The following IL10 variants were observed in gnomAD, a reference collection of about 807,000 sequenced individuals.
IL10 encodes interleukin 10.
A neutral mutation model predicts 21.0 loss-of-function variants in IL10; 7 were observed. The ratio of observed to expected loss-of-function variants is 0.33; its 90% CI spans 0.19 to 0.63. The LOEUF (loss-of-function observed/expected upper bound fraction) is 0.63. IL10 is among the 20% of genes least tolerant of loss of function. The pLI, the probability that IL10 is intolerant of heterozygous loss-of-function variation, is 0.77. For synonymous variants in IL10, 83 were observed against 79.7 expected (o/e 1.04, Z -0.22); for missense variants, 161 against 213.0 (o/e 0.76, Z 1.52).
intron 1 of IL10, 78 bp from the exon 2 acceptor site, chr1:206,771,493 T>C: frequency 8.2e-7 from 1 of 1,213,984 alleles, no homozygotes; most frequent in East Asian, 2.5e-5. Context: ...TGCCCTTTCA[T>C]TTAGAGATTT....
Position 206,767,689 on chromosome 1 carries a change from T to TA in IL10, c.*946dup, listed in dbSNP as rs1277220876. On this transcript the variant is annotated 3_prime_UTR_variant, in exon 5 of 5. Coordinates refer to ENST00000423557, the MANE Select transcript of IL10 (RefSeq NM_000572.3). ...ATGTAACATTCCCAGAGGAATTGAATAAATTCTAGTTAAAACTGAGTTCTA... is the reference window on the plus strand; with the variant it reads ...ATGTAACATTCCCAGAGGAATTGAATAAAATTCTAGTTAAAACTGAGTTCTA... The TA allele has an allele frequency of 6.6e-6, 1 of 152,368 alleles. No individual in the cohort carries two copies. Among genetic ancestry groups the TA allele is most frequent in the Non-Finnish European group, 1.5e-5 (1 of 68,030 alleles). The allele number at this position is 152,368 out of a possible 1,614,324, so 9.4% of individuals were successfully genotyped here.
At position 206,768,321 on chromosome 1, in the gene IL10, C is replaced by T; in HGVS notation, c.*315G>A. 6.1e-6 allele frequency: 2 copies of T among 327,234 alleles called. No individual in the cohort carries two copies. The highest frequency in any genetic ancestry group is 8.9e-4 in the Middle Eastern group (1 of 1,120). 20.3% of individuals were successfully genotyped at this position (327,234 alleles called of 1,614,324 possible). A position where few individuals can be genotyped will look rare whatever the true frequency, so the allele number is the denominator to read the frequency against. On this transcript the variant is annotated 3_prime_UTR_variant, in exon 5 of 5. Coordinates refer to ENST00000423557, the MANE Select transcript of IL10 (RefSeq NM_000572.3). ...TCCCCAAAGAACATTTTTTTTCCTC[C>T]CTTATGTAACTTATAATTTATCTTA...
chr1:206,769,977 A>C, intron 3 of IL10, 83 bp from the exon 4 acceptor site: 1 of 1,087,080 alleles, frequency 9.2e-7, no homozygotes, highest in Non-Finnish European at 1.4e-6. Flanking sequence ...TGGTGGCATC[A>C]TGAGGAGGCC....
At chr1:206,771,439 T>A (rs1280123253) in intron 1 of IL10, 24 bp from the exon 2 acceptor site, 5 of 1,583,622 alleles carry the variant, frequency 3.2e-6, no homozygotes, top group Non-Finnish European at 4.3e-6. Flanking sequence ...AAAAGGAGAA[T>A]GAACTTGAGG....
rs376002450 is a variant in IL10, at chr1:206,770,975, C to T, written c.310G>A (p.Asp104Asn). 8 of 1,614,174 alleles carry T rather than the reference C, an allele frequency of 5.0e-6. No homozygotes were observed. The highest frequency in any genetic ancestry group is 6.8e-6 in the Non-Finnish European group (8 of 1,180,022). The change falls in exon 3 of 5, where the codon GAC (aspartate) becomes AAC (asparagine). Residue 104 changes from aspartate (D) to asparagine (N), a missense_variant. Asp to Asn is a conservative substitution (Grantham distance 23, BLOSUM62 1). Coordinates refer to ENST00000423557, the MANE Select transcript of IL10 (RefSeq NM_000572.3). ...VMPQAENQDPDIKAHVNSLGE... is the reference protein window; with the variant it reads ...VMPQAENQDPNIKAHVNSLGE... ...AGGGAGTTCACATGCGCCTTGATGT[C>T]TGGGTCTTGGTTCTCAGCTTGGGGC...
At chr1:206,771,519 A>G (rs1674841787) in intron 1 of IL10, 104 bp from the exon 2 acceptor site, 1 of 952,108 alleles carries the variant, frequency 1.1e-6, no homozygotes, top group Non-Finnish European at 1.7e-6. Context: ...TTTAAATAAA[A>G]TTGGCTCTGG....
At chr1:206,771,102 G>A (rs1257972727) in intron 2 of IL10, 43 bp from the exon 3 acceptor site, 2 of 1,609,126 alleles carry the variant, frequency 1.2e-6, no homozygotes, top group Non-Finnish European at 1.7e-6. Flanking sequence ...TGGCGGAGGT[G>A]GCTGGGAGGA....
Position 206,768,715 on chromosome 1 carries a change from C to G in IL10, c.458G>C (p.Gly153Ala). The G allele has an allele frequency of 6.2e-7, 1 of 1,604,036 alleles. No individual in the cohort carries two copies. The highest frequency in any genetic ancestry group is 1.3e-5 in the African/African-American group (1 of 74,810). ...AAACTCACTCATGGCTTTGTAGATG[C>G]CTTTCTCTTGGAGCTGTGCAGAGAG... is the stretch of plus-strand genomic sequence containing the variant. The part of the protein sequence containing the change: ...KNAFNKLQEK[G>A]IYKAMSEFDI... The change falls in exon 5 of 5, where the codon GGC (glycine) becomes GCC (alanine). Residue 153 changes from glycine to alanine, a missense_variant. Transcript: ENST00000423557.
intron 3 of IL10, 92 bp from the exon 4 acceptor site, chr1:206,769,986 C>A: frequency 1.0e-6 from 1 of 954,236 alleles, no homozygotes; most frequent in South Asian, 1.3e-5. Context: ...CATGAGGAGG[C>A]CAGATTTATC....
Position 206,768,120 on chromosome 1 carries a change from G to A in IL10, c.*516C>T, listed in dbSNP as rs1033766349. The A allele has an allele frequency of 2.3e-5, 5 of 216,864 alleles. No homozygotes were observed. The highest frequency in any genetic ancestry group is 5.6e-5 in the Admixed American group (1 of 17,908). The allele number at this position is 216,864 out of a possible 1,614,324, so 13.4% of individuals were successfully genotyped here. ...GGAATGAGGTTAGGGGAATCCCTCC[G>A]AGACACTGGAAGGTGAATTAATCAT... On this transcript the variant is annotated 3_prime_UTR_variant, in exon 5 of 5. Coordinates refer to ENST00000423557, the MANE Select transcript of IL10 (RefSeq NM_000572.3).
rs924494313 is a variant in IL10, at chr1:206,767,797, T to G, written c.*839A>C. ...CAGGCTGGAGTACAGGGGCATGATA[T>G]CAGCTCACTGCAACTTCCATCTCCT... is the stretch of plus-strand genomic sequence containing the variant. On this transcript the variant is annotated 3_prime_UTR_variant, in exon 5 of 5. Coordinates refer to ENST00000423557, the MANE Select transcript of IL10 (RefSeq NM_000572.3). 2 of 152,544 alleles carry G rather than the reference T, an allele frequency of 1.3e-5. No individual in the cohort carries two copies. Among genetic ancestry groups the G allele is most frequent in the African/African-American group, 4.8e-5 (2 of 41,434 alleles). The allele number at this position is 152,544 out of a possible 1,614,324, so 9.4% of individuals were successfully genotyped here.
chr1:206,767,895 A>C lies in IL10; in HGVS notation c.*741T>G. 6.4e-6 allele frequency: 1 copy of C among 156,064 alleles called. No individual in the cohort carries two copies. The highest frequency in any genetic ancestry group is 1.4e-5 in the Non-Finnish European group (1 of 70,494). The allele number at this position is 156,064 out of a possible 1,614,324, so 9.7% of individuals were successfully genotyped here. A position where few individuals can be genotyped will look rare whatever the true frequency, so the allele number is the denominator to read the frequency against. ...CAGGTGCGCGCCACCATGCCCGGCT[A>C]ATTTTTGTATTTTTAGTAGAGACGG... On this transcript the variant is annotated 3_prime_UTR_variant, in exon 5 of 5. Transcript: ENST00000423557.
At position 206,772,342 on chromosome 1, in the gene IL10, G is replaced by T. The variant is rs376787667; in HGVS notation, c.94C>A (p.His32Asn). 1.2e-6 allele frequency: 2 copies of T among 1,614,174 alleles called. No homozygotes were observed. Among genetic ancestry groups the T allele is most frequent in the Admixed American group, 1.7e-5 (1 of 60,034 alleles). The stretch of plus-strand genomic sequence containing the variant: ...ATGTTAGGCAGGTTGCCTGGGAAGT[G>T]GGTGCAGCTGTTCTCAGACTGGGTG... The part of the protein sequence containing the change: ...QGTQSENSCT[H>N]FPGNLPNMLR... Residue 32 changes from histidine (H) to asparagine (N), a missense_variant, in exon 1 of 5, where the codon CAC becomes AAC. Transcript: ENST00000423557.
Position 206,772,343 on chromosome 1 carries a change from G to T in IL10, c.93C>A (p.Thr31=), listed in dbSNP as rs912319533. The T allele has an allele frequency of 3.1e-6, 5 of 1,614,160 alleles. No individual in the cohort carries two copies. Among genetic ancestry groups the T allele is most frequent in the East Asian group, 4.5e-5 (2 of 44,890 alleles). The stretch of plus-strand genomic sequence containing the variant: ...TGTTAGGCAGGTTGCCTGGGAAGTG[G>T]GTGCAGCTGTTCTCAGACTGGGTGC... The part of the protein sequence containing the change: ...GQGTQSENSC[T]HFPGNLPNML... Residue 31 remains threonine (T), a synonymous_variant, in exon 1 of 5, where the codon ACC becomes ACA. Coordinates refer to ENST00000423557, the MANE Select transcript of IL10 (RefSeq NM_000572.3).
At chr1:206,769,316 G>A (rs1674753567) in intron 4 of IL10, among the ~76,000 whole-genome samples, 1 of 152,240 alleles carries the variant, frequency 6.6e-6, no homozygotes, top group African/African-American at 2.4e-5. Flanking sequence ...GACATTCTCA[G>A]GCACCTCCGC....
intron 1 of IL10, among the ~76,000 whole-genome samples, chr1:206,771,949 T>G (rs562913118): frequency 5.3e-5 from 8 of 152,168 alleles, no homozygotes; most frequent in African/African-American, 1.9e-4. Context: ...GGGGAGCATC[T>G]TCACCTCGAA....
At chr1:206,771,200 T>A in intron 2 of IL10, 141 bp from the exon 3 acceptor site, 1 of 1,184,350 alleles carries the variant, frequency 8.4e-7, no homozygotes, top group Non-Finnish European at 1.3e-6. Flanking sequence ...GAGCCCTTTG[T>A]AAACCCTCTG....
intron 3 of IL10, 135 bp from the exon 4 acceptor site, chr1:206,770,029 CTG>C: frequency 1.4e-6 from 1 of 723,042 alleles, no homozygotes; most frequent in Non-Finnish European, 2.5e-6. Flanking sequence ...CCAGAGAGAA[CTG>C]AGCCCTGCTT....
rs186372424 is a variant in IL10 at position 206,769,573 on chromosome 1, C to T, written c.444+256G>A. 537 of 573,846 alleles carry T rather than the reference C, an allele frequency of 9.4e-4. 6 individuals carry two copies. Among genetic ancestry groups the T allele is most frequent in the South Asian group, 7.6e-3 (380 of 50,140 alleles). 35.5% of individuals were successfully genotyped at this position (573,846 alleles called of 1,614,324 possible). ...CAGCTCACTGTGTTCACAGGCTGGC[C>T]GGCCAGCCTAACCCGCAAGCCTGCA... On this transcript the variant is annotated intron_variant, in intron 4 of 4. Coordinates refer to ENST00000423557, the MANE Select transcript of IL10 (RefSeq NM_000572.3).
Sources: allele counts gnomAD v4.1 joint callset (sites outside exome capture counted in the v4.1 genomes callset), GRCh38; gene constraint gnomAD v4.1.1; transcripts MANE v1.5; gene names NCBI Gene and HGNC (gene_info 2026-07-23, HGNC 2026-07-21).